The following CYP4X1 variants were observed in gnomAD, a reference collection of about 807,000 sequenced individuals.
CYP4X1 encodes cytochrome P450 family 4 subfamily X member 1.
In CYP4X1, 44 loss-of-function variants were observed where a neutral mutation model predicts 57.9. The ratio of observed to expected loss-of-function variants is 0.76; its 90% CI spans 0.60 to 0.98. The LOEUF (loss-of-function observed/expected upper bound fraction) is 0.98. Among genes scored for constraint, CYP4X1 ranks in the 50% least tolerant of loss-of-function variants. CYP4X1 has a pLI of 0.00. For missense variants in CYP4X1, 532 were observed against 623.9 expected, an observed-to-expected ratio of 0.85 and a Z score of 1.57; for synonymous variants, 227 against 228.6, an observed-to-expected ratio of 0.99 and a Z score of 0.06.
intron 1 of CYP4X1, among the ~76,000 whole-genome samples, chr1:47,025,590 G>C (rs148104296): frequency 6.6e-6 from 1 of 152,058 alleles, no homozygotes; most frequent in African/African-American, 2.4e-5. Flanking sequence ...TGATCTAAAT[G>C]GTCCTCTTTC....
intron 4 of CYP4X1, among the ~76,000 whole-genome samples, chr1:47,035,205 G>A (rs1477456377): frequency 2.6e-5 from 4 of 151,982 alleles, no homozygotes; most frequent in Non-Finnish European, 5.9e-5. Flanking sequence ...CAGGGACCTT[G>A]TGACAGTTTA....
At chr1:46,977,592 T>C in the CYP4X1 span, among the ~76,000 whole-genome samples, 5 of 151,678 alleles carry the variant, frequency 3.3e-5, no homozygotes, top group African/African-American at 9.7e-5. Flanking sequence ...CCTAGCAAGG[T>C]AGGCCAACAT....
At chr1:46,979,503 G>A in the CYP4X1 span, among the ~76,000 whole-genome samples, 2 of 151,988 alleles carry the variant, frequency 1.3e-5, no homozygotes, top group Non-Finnish European at 2.9e-5. Context: ...CAACCAAAAA[G>A]AGTCCACAAC....
At chr1:47,008,722 G>C in the CYP4X1 span, among the ~76,000 whole-genome samples, 1 of 152,146 alleles carries the variant, frequency 6.6e-6, no homozygotes, top group African/African-American at 2.4e-5. Context: ...TAAAGGGATG[G>C]AGGAAGATCT....
the CYP4X1 span, among the ~76,000 whole-genome samples, chr1:46,964,229 C>T: frequency 6.6e-6 from 1 of 152,122 alleles, no homozygotes; most frequent in Non-Finnish European, 1.5e-5. Flanking sequence ...CGTCTGAAGC[C>T]TTCTCTCAAT....
At chr1:47,003,553 C>CAACT in the CYP4X1 span, among the ~76,000 whole-genome samples, 1 of 152,112 alleles carries the variant, frequency 6.6e-6, no homozygotes, top group Non-Finnish European at 1.5e-5. Flanking sequence ...ATGATGCCGG[C>CAACT]AACTGCTCAG....
chr1:46,977,877 GC>G, the CYP4X1 span, among the ~76,000 whole-genome samples: 1 of 152,008 alleles, frequency 6.6e-6, no homozygotes, highest in African/African-American at 2.4e-5. Flanking sequence ...GCCAAACTAA[GC>G]TTCATAAGAG....
chr1:47,053,475 T>G (rs1403993096), downstream of CYP4X1, among the ~76,000 whole-genome samples: 2 of 152,320 alleles, frequency 1.3e-5, no homozygotes, highest in East Asian at 3.9e-4. Context: ...TAGTTCTAGA[T>G]CCCTGAGGAA....
upstream of CYP4X1, among the ~76,000 whole-genome samples, chr1:47,020,245 A>G (rs1287362669): frequency 6.6e-6 from 1 of 152,220 alleles, no homozygotes; most frequent in Admixed American, 6.5e-5. Context: ...ACATTCTGAC[A>G]TTTTAAGACA....
chr1:47,025,445 A>G (rs963123301), intron 1 of CYP4X1, among the ~76,000 whole-genome samples: 7 of 152,176 alleles, frequency 4.6e-5, no homozygotes, highest in Non-Finnish European at 8.8e-5. Flanking sequence ...GACAACATCC[A>G]CCTATGAACT....
intron 1 of CYP4X1, among the ~76,000 whole-genome samples, chr1:47,027,848 C>T (rs1471178110): frequency 6.6e-6 from 1 of 152,130 alleles, no homozygotes; most frequent in Non-Finnish European, 1.5e-5. Flanking sequence ...ATCTCCAACC[C>T]TATTATTATT....
At chr1:47,031,767 C>T (rs576695644) in intron 3 of CYP4X1, among the ~76,000 whole-genome samples, 3 of 152,238 alleles carry the variant, frequency 2.0e-5, no homozygotes, top group Admixed American at 2.0e-4. Flanking sequence ...CTTGGCCAGG[C>T]ACAGTGACTC....
the CYP4X1 span, among the ~76,000 whole-genome samples, chr1:46,994,812 G>C: frequency 6.6e-6 from 1 of 152,162 alleles, no homozygotes; most frequent in South Asian, 2.1e-4. Flanking sequence ...TGCCAGATGG[G>C]GGGCACAGCT....
At chr1:47,011,432 T>A in the CYP4X1 span, among the ~76,000 whole-genome samples, 1 of 152,200 alleles carries the variant, frequency 6.6e-6, no homozygotes, top group African/African-American at 2.4e-5. Flanking sequence ...GACTTAAATG[T>A]TAGACCTAAA....
chr1:47,034,754 C>T (rs895568927), intron 4 of CYP4X1, among the ~76,000 whole-genome samples: 7 of 151,958 alleles, frequency 4.6e-5, no homozygotes, highest in African/African-American at 1.7e-4. Flanking sequence ...TTCAGATCCT[C>T]CAGTGACTGC....
At chr1:46,969,442 C>T in the CYP4X1 span, among the ~76,000 whole-genome samples, 14 of 152,200 alleles carry the variant, frequency 9.2e-5, no homozygotes, top group African/African-American at 3.4e-4. Flanking sequence ...AATTGGCAGC[C>T]AATATTTTGG....
the CYP4X1 span, among the ~76,000 whole-genome samples, chr1:47,001,803 C>T: frequency 4.6e-5 from 7 of 152,258 alleles, no homozygotes; most frequent in Non-Finnish European, 1.0e-4. Flanking sequence ...GCGGGGACAG[C>T]GTCCCAATAC....
At chr1:47,037,264 C>T (rs1285758317) in intron 6 of CYP4X1, among the ~76,000 whole-genome samples, 1 of 147,162 alleles carries the variant, frequency 6.8e-6, no homozygotes, top group African/African-American at 2.5e-5. Flanking sequence ...AAACTTAAAA[C>T]CTTTTCAATT....
In CYP4X1 at chr1:47,050,277, G is replaced by C; in HGVS notation, c.*103G>C. On this transcript the variant is annotated 3_prime_UTR_variant, in exon 12 of 12. Coordinates refer to ENST00000371901, the MANE Select transcript of CYP4X1 (RefSeq NM_178033.2). ...GGATCAATGTATGGTGGGAGGATTG[G>C]AGGTTGGTGGGATAGGGGTCTCTGT... is the stretch of plus-strand genomic sequence containing the variant. 7.3e-7 allele frequency: 1 copy of C among 1,367,636 alleles called. No individual in the cohort carries two copies. The highest frequency in any genetic ancestry group is 2.3e-5 in the East Asian group (1 of 42,704). The allele number at this position is 1,367,636 out of a possible 1,614,324, so 84.7% of individuals were successfully genotyped here.
Sources: gnomAD v4.1 joint callset for allele counts (sites outside exome capture counted in the v4.1 genomes callset) on GRCh38, gnomAD v4.1.1 for gene constraint, MANE v1.5 for transcripts, NCBI Gene and HGNC (gene_info 2026-07-23, HGNC 2026-07-21) for gene names.